The following SRP72 variants were observed in gnomAD, a reference collection of about 807,000 sequenced individuals.
SRP72 encodes signal recognition particle subunit SRP72.
A neutral mutation model predicts 96.3 loss-of-function variants in SRP72; 49 were observed. The observed-to-expected ratio is 0.51, with a 90% CI of 0.40 to 0.65. The LOEUF is 0.65. SRP72 is among the 30% of genes least tolerant of loss of function. The pLI is 0.00. For synonymous variants in SRP72, 267 were observed against 275.2 expected, an observed-to-expected ratio of 0.97 and a Z score of 0.30; for missense variants, 736 against 793.3, an observed-to-expected ratio of 0.93 and a Z score of 0.87.
At chr4:56,483,071 G>A in intron 8 of SRP72, 68 bp from the exon 9 acceptor site, 1 of 1,474,794 alleles carries the variant, frequency 6.8e-7, no homozygotes, top group Non-Finnish European at 9.3e-7. Flanking sequence ...TCTATATAAA[G>A]TTAATAGAAA....
At chr4:56,479,144 G>A (rs940763056) in intron 8 of SRP72, among the ~76,000 whole-genome samples, 1 of 151,886 alleles carries the variant, frequency 6.6e-6, no homozygotes, top group South Asian at 2.1e-4. Flanking sequence ...TTAGAGTACT[G>A]TACTAATGTC....
intron 8 of SRP72, among the ~76,000 whole-genome samples, chr4:56,480,591 T>C (rs1171375125): frequency 1.3e-5 from 2 of 152,164 alleles, no homozygotes; most frequent in African/African-American, 2.4e-5. Flanking sequence ...ACATACATAA[T>C]TGTAGGGGAA....
chr4:56,501,043 AAAT>A (rs1721246591), intron 18 of SRP72, among the ~76,000 whole-genome samples: 1 of 152,194 alleles, frequency 6.6e-6, no homozygotes, highest in Admixed American at 6.5e-5. Flanking sequence ...AGATGTAAAT[AAAT>A]AATATGACTA....
chr4:56,485,646 C>T (rs986008794), intron 10 of SRP72, among the ~76,000 whole-genome samples: 4 of 152,052 alleles, frequency 2.6e-5, no homozygotes, highest in African/African-American at 4.8e-5. Flanking sequence ...ACTAAAAATA[C>T]AAAAAATTAG....
chr4:56,470,846 T>G (rs986892635), intron 2 of SRP72, among the ~76,000 whole-genome samples: 2 of 150,874 alleles, frequency 1.3e-5, no homozygotes, highest in East Asian at 1.9e-4. Context: ...TTTTTTTTTT[T>G]GGGAGGAGTC....
rs1293794194 is a variant in SRP72 at position 56,503,295 on chromosome 4, C to T, written c.*1434C>T. The T allele has an allele frequency of 6.6e-6, 1 of 152,226 alleles. No individual in the cohort carries two copies. Among genetic ancestry groups the T allele is most frequent in the East Asian group, 1.9e-4 (1 of 5,190 alleles). The allele number at this position is 152,226 out of a possible 1,614,324, so 9.4% of individuals were successfully genotyped here. ...GAGAACAGTCTTTTGGTAATAGTGG[C>T]AGGTATTTATTCCTTCTGAATATAT... On this transcript the variant is annotated 3_prime_UTR_variant, in exon 19 of 19. Transcript: ENST00000642900.
chr4:56,493,232 C>T (rs190929972), intron 16 of SRP72, among the ~76,000 whole-genome samples: 88 of 151,940 alleles, frequency 5.8e-4, no homozygotes, highest in Middle Eastern at 3.4e-3. Context: ...GACAGGGTTT[C>T]ACCATGTCGA....
chr4:56,482,360 A>G (rs28651840), intron 8 of SRP72, among the ~76,000 whole-genome samples: 74 of 151,726 alleles, frequency 4.9e-4, no homozygotes, highest in African/African-American at 1.8e-3. Context: ...AGGCAGGAGA[A>G]TGGCGTGAAC....
At position 56,478,152 on chromosome 4, in the gene SRP72, T is replaced by TTA. The variant is rs1560678344; in HGVS notation, c.643-226_643-225insAT. 1.4e-5 allele frequency among the ~76,000 whole-genome samples: 2 copies of TTA among 148,042 alleles called. 1 individual carries two copies. The highest frequency in any genetic ancestry group is 3.0e-5 in the Non-Finnish European group (2 of 67,034). ...TGTTCTTCTAGGATCTTTTTGCCTT[T>TTA]TCTTTTTTTTTTTTTTTTCTTTAGA... On this transcript the variant is annotated intron_variant, in intron 6 of 18. Coordinates refer to ENST00000642900, the MANE Select transcript of SRP72 (RefSeq NM_006947.4).
chr4:56,497,915 G>A (rs1289414026), intron 17 of SRP72, among the ~76,000 whole-genome samples: 1 of 152,024 alleles, frequency 6.6e-6, no homozygotes, highest in East Asian at 1.9e-4. Context: ...AATTAGTGAG[G>A]GTGAACATCT....
chr4:56,467,820 C>T (rs558468263), intron 1 of SRP72, 76 bp downstream of exon 1: 6 of 1,312,332 alleles, frequency 4.6e-6, no homozygotes, highest in East Asian at 3.1e-5. Context: ...CGCGAGACCA[C>T]CTCGCGCGGG....
chr4:56,474,179 T>C lies in SRP72; in HGVS notation c.480T>C (p.Asn160=). 6.2e-7 allele frequency: 1 copy of C among 1,614,070 alleles called. No homozygotes were observed. The highest frequency in any genetic ancestry group is 2.2e-5 in the East Asian group (1 of 44,886). Residue 160 remains asparagine, a synonymous_variant, in exon 4 of 19, where the codon AAT becomes AAC. Coordinates refer to ENST00000642900, the MANE Select transcript of SRP72 (RefSeq NM_006947.4). The part of the protein sequence containing the change: ...NLSAVVAAQS[N]WEKVVPENLG... ...CAGCAGTTGTTGCAGCTCAAAGCAA[T>C]TGGGAAAAAGTGGTTCCAGTGAGTA...
At chr4:56,482,179 C>T (rs958872921) in intron 8 of SRP72, among the ~76,000 whole-genome samples, 4 of 151,256 alleles carry the variant, frequency 2.6e-5, no homozygotes, top group African/African-American at 7.3e-5. Context: ...CAGTGGCTCA[C>T]GCCTGTAATC....
chr4:56,482,791 A>G (rs1227930507), intron 8 of SRP72, among the ~76,000 whole-genome samples: 2 of 152,210 alleles, frequency 1.3e-5, no homozygotes, highest in African/African-American at 2.4e-5. Flanking sequence ...CAAGCAATTA[A>G]TAGTGGAAAA....
At chr4:56,495,103 T>C (rs1721030470) in intron 16 of SRP72, among the ~76,000 whole-genome samples, 1 of 152,222 alleles carries the variant, frequency 6.6e-6, no homozygotes, top group Non-Finnish European at 1.5e-5. Flanking sequence ...AAAAACTTTT[T>C]TCAGTGTAAA....
At chr4:56,469,868 T>C in intron 2 of SRP72, 95 bp downstream of exon 2, 1 of 1,225,712 alleles carries the variant, frequency 8.2e-7, no homozygotes, top group Non-Finnish European at 1.1e-6. Context: ...TGCTGATTTT[T>C]TTTAACGTTT....
Position 56,490,375 on chromosome 4 carries a change from A to G in SRP72, c.1363A>G (p.Asn455Asp), listed in dbSNP as rs753013888. 11 of 1,614,004 alleles carry G rather than the reference A, an allele frequency of 6.8e-6. No homozygotes were observed. In the South Asian group the frequency reaches 1.2e-4, roughly 18 times the overall value. ...AHLSLIREAANFKLKYGRKKE... is the reference protein window; with the variant it reads ...AHLSLIREAADFKLKYGRKKE... ...TTTGTCCTTGATAAGAGAAGCTGCA[A>G]ACTTCAAACTCAAATATGGGCGGAA... is the stretch of plus-strand genomic sequence containing the variant. The change falls in exon 14 of 19, where the codon AAC (asparagine) becomes GAC (aspartate). Residue 455 changes from asparagine (N) to aspartate (D), a missense_variant. Physicochemically the swap from Asn to Asp is conservative, Grantham distance 23 (BLOSUM62 1). This residue lies in a region of SRP72 where 388 missense variants were observed against 431.8 expected (regional missense o/e 0.90). Coordinates refer to ENST00000642900, the MANE Select transcript of SRP72 (RefSeq NM_006947.4).
In SRP72 at chr4:56,490,334, CA is replaced by C; in HGVS notation, c.1326del (p.Lys442AsnfsTer8). On this transcript the variant is annotated frameshift_variant and splice_region_variant, in exon 14 of 19. Coordinates refer to ENST00000642900, the MANE Select transcript of SRP72 (RefSeq NM_006947.4). LOFTEE classifies it high-confidence loss of function. ...TTTTTCTTTTTATTGAAACTGTAGC[CA>C]AAATCTCCTGCTCATTTGTCCTTGA... is the stretch of plus-strand genomic sequence containing the variant. ...QAIQWYQNHQ[P>X]KSPAHLSLIR... 6.2e-7 allele frequency: 1 copy of C among 1,605,518 alleles called. No individual in the cohort carries two copies. The highest frequency in any genetic ancestry group is 8.5e-7 in the Non-Finnish European group (1 of 1,177,968).
rs1721311649 is a variant in SRP72 at position 56,502,775 on chromosome 4, C to T, written c.*914C>T. Reference sequence around the variant, plus strand: ...GTTGCATACCAGGCAGTATTAAAATCTAACAGGTCTGTTTGGCCCATTGAT... The same window carrying T: ...GTTGCATACCAGGCAGTATTAAAATTTAACAGGTCTGTTTGGCCCATTGAT... On this transcript the variant is annotated 3_prime_UTR_variant, in exon 19 of 19. Transcript: ENST00000642900. The T allele has an allele frequency of 6.6e-6, 1 of 152,042 alleles. No individual in the cohort carries two copies. Among genetic ancestry groups the T allele is most frequent in the Non-Finnish European group, 1.5e-5 (1 of 68,000 alleles). The allele number at this position is 152,042 out of a possible 1,614,324, so 9.4% of individuals were successfully genotyped here.
Sources: gnomAD v4.1 joint callset for allele counts (sites outside exome capture counted in the v4.1 genomes callset) on GRCh38, gnomAD v4.1.1 for gene constraint, gnomAD v4.1.1 regional missense constraint, MANE v1.5 for transcripts, NCBI Gene and HGNC (gene_info 2026-07-23, HGNC 2026-07-21) for gene names.